Variants in PRKCZ observed in about 807,000 individuals in gnomAD.
The protein encoded by PRKCZ is protein kinase C zeta type.
In PRKCZ, 33 loss-of-function variants were observed where a neutral mutation model predicts 79.5. The observed-to-expected ratio is 0.41, with a 90% CI of 0.31 to 0.55. PRKCZ has a LOEUF of 0.55. PRKCZ is among the 20% of genes least tolerant of loss of function. PRKCZ has a pLI of 0.19. For missense variants in PRKCZ, 578 were observed against 813.5 expected, an observed-to-expected ratio of 0.71 and a Z score of 3.52; for synonymous variants, 342 against 320.9, an observed-to-expected ratio of 1.07 and a Z score of -0.70.
At chr1:2,074,089 G>A (rs1486305997) in intron 4 of PRKCZ, 3 of 1,494,264 alleles carry the variant, frequency 2.0e-6, no homozygotes, top group Non-Finnish European at 2.7e-6. Context: ...GCTCCGGGCA[G>A]CAACACGGCT....
intron 17 of PRKCZ, 76 bp from the exon 18 acceptor site, chr1:2,184,846 T>A: frequency 7.0e-7 from 1 of 1,437,976 alleles, no homozygotes; most frequent in Non-Finnish European, 9.6e-7. Flanking sequence ...AGGATTCTTA[T>A]GCGAACGTGA....
Position 2,117,367 on chromosome 1 carries a change from GTTTT to G in PRKCZ, c.335-17885_335-17882del, listed in dbSNP as rs56248139. On this transcript the variant is annotated intron_variant, in intron 4 of 17. Coordinates refer to ENST00000378567, the MANE Select transcript of PRKCZ (RefSeq NM_002744.6). ...TGTTTTAAGCCGTATTACTTTTACA[GTTTT>G]TTTTTTTTTATCTTTTTGTTTATAG... Among the ~76,000 whole-genome samples, 21 of 147,454 alleles carry G rather than the reference GTTTT, an allele frequency of 1.4e-4. No individual in the cohort carries two copies. The South Asian group carries it at 4.5e-3, about 32-fold the overall frequency.
In PRKCZ at chr1:2,050,639, C is replaced by T. The variant is rs891605017; in HGVS notation, c.9C>T (p.Ser3=). The change falls in exon 1 of 18, where the codon AGC becomes AGT. Residue 3 remains serine (S), a synonymous_variant. Coordinates refer to ENST00000378567, the MANE Select transcript of PRKCZ (RefSeq NM_002744.6). ...GGCGGGGGGAGCGCGCCATGCCCAG[C>T]AGGACCGGCCCCAAGATGGAAGGGA... MP[S]RTGPKMEGSG... The T allele has an allele frequency of 1.6e-6, 2 of 1,225,996 alleles. No homozygotes were observed. Among genetic ancestry groups the T allele is most frequent in the African/African-American group, 3.1e-5 (2 of 64,180 alleles). The allele number at this position is 1,225,996 out of a possible 1,614,324, so 75.9% of individuals were successfully genotyped here. A position where few individuals can be genotyped will look rare whatever the true frequency, so the allele number is the denominator to read the frequency against.
At chr1:2,152,964 T>A (rs1680196096) in intron 9 of PRKCZ, among the ~76,000 whole-genome samples, 1 of 152,254 alleles carries the variant, frequency 6.6e-6, no homozygotes, top group East Asian at 1.9e-4. Context: ...TACAAGAATC[T>A]GTTTGAGTCT....
intron 4 of PRKCZ, among the ~76,000 whole-genome samples, chr1:2,108,511 G>C (rs1669045707): frequency 6.6e-6 from 1 of 152,240 alleles, no homozygotes; most frequent in African/African-American, 2.4e-5. Context: ...GGTCTGTCCT[G>C]GGCTGGCTGC....
At chr1:2,080,234 C>T (rs1267313104) in intron 4 of PRKCZ, among the ~76,000 whole-genome samples, 1 of 149,216 alleles carries the variant, frequency 6.7e-6, no homozygotes, top group East Asian at 1.9e-4. Context: ...GTTTGAGCTG[C>T]TGTGTCCACC....
chr1:2,183,486 A>C (rs1240450424), intron 16 of PRKCZ: 1 of 152,204 alleles, frequency 6.6e-6, no homozygotes, highest in East Asian at 1.9e-4. Context: ...TGGGTTAGAG[A>C]GGGAGTGAGA....
Position 2,165,991 on chromosome 1 carries a change from C to T in PRKCZ, c.975-3527C>T, listed in dbSNP as rs920789771. On this transcript the variant is annotated intron_variant, in intron 10 of 17. Transcript: ENST00000378567. This position sits in a 1 kb window ranked among gnomAD's most constrained non-coding sequence, Gnocchi z 4.1. The stretch of plus-strand genomic sequence containing the variant: ...ATTTCCCATGTCTGTTGGATGGTGC[C>T]GGTTCCAGGGCAGGGTCAGGGACTG... Among the ~76,000 whole-genome samples, 2 of 152,314 alleles carry T rather than the reference C, an allele frequency of 1.3e-5. No homozygotes were observed. The highest frequency in any genetic ancestry group is 1.9e-4 in the East Asian group (1 of 5,184).
In PRKCZ at chr1:2,097,345, C is replaced by T. The variant is rs528653839; in HGVS notation, c.334+37754C>T. ...GGCCCAGGTACCTTTCTGGGCCCCT[C>T]TCAGGGTCTTTGGAAAAGTCCAGAA... On this transcript the variant is annotated intron_variant, in intron 4 of 17. Coordinates refer to ENST00000378567, the MANE Select transcript of PRKCZ (RefSeq NM_002744.6). Among the ~76,000 whole-genome samples, 558 of 152,274 alleles carry T rather than the reference C, an allele frequency of 3.7e-3. 4 individuals carry two copies. Among genetic ancestry groups the T allele is most frequent in the African/African-American group, 0.013 (535 of 41,544 alleles).
chr1:2,184,830 TG>T lies in PRKCZ; in HGVS notation c.1692-87del. 2.9e-6 allele frequency: 4 copies of T among 1,392,684 alleles called. No individual in the cohort carries two copies. In the Admixed American group the frequency reaches 5.8e-5, roughly 20 times the overall value. The allele number at this position is 1,392,684 out of a possible 1,614,324, so 86.3% of individuals were successfully genotyped here. ...CTGGTGTCATCTCTCCAGTGGGCGT[TG>T]GGGGAGGATTCTTATGCGAACGTGA... On this transcript the variant is annotated intron_variant, in intron 17 of 17. Coordinates refer to ENST00000378567, the MANE Select transcript of PRKCZ (RefSeq NM_002744.6).
At chr1:2,108,294 ACCT>A (rs1339964210) in intron 4 of PRKCZ, among the ~76,000 whole-genome samples, 1 of 152,040 alleles carries the variant, frequency 6.6e-6, no homozygotes, top group African/African-American at 2.4e-5. Flanking sequence ...TGTCCTGCTC[ACCT>A]CCTCCAGGAA....
At chr1:2,135,801 C>T (rs767199169) in intron 5 of PRKCZ, among the ~76,000 whole-genome samples, 13 of 152,252 alleles carry the variant, frequency 8.5e-5, no homozygotes, top group African/African-American at 2.2e-4. Flanking sequence ...GTCTTCCCAG[C>T]GGCCACCCAC....
At chr1:2,175,935 C>T (rs1036624357) in intron 16 of PRKCZ, among the ~76,000 whole-genome samples, 24 of 152,152 alleles carry the variant, frequency 1.6e-4, no homozygotes, top group African/African-American at 5.3e-4. Context: ...TAGTGGGGGC[C>T]GGCCTAGAGA....
rs137856830 is a variant in PRKCZ, at chr1:2,094,114, A to G, written c.334+34523A>G. 9.0e-3 allele frequency among the ~76,000 whole-genome samples: 1,363 copies of G among 152,240 alleles called. 33 individuals are homozygous for G. The highest frequency in any genetic ancestry group is 0.031 in the African/African-American group (1,285 of 41,522). Reference sequence around the variant, plus strand: ...ATCCCTTGGGAGCCTGCTTGTCTCTAGAACCTTCTGCCTGATGCACAACCT... The same window carrying G: ...ATCCCTTGGGAGCCTGCTTGTCTCTGGAACCTTCTGCCTGATGCACAACCT... On this transcript the variant is annotated intron_variant, in intron 4 of 17. Transcript: ENST00000378567. This position sits in a 1 kb window ranked among gnomAD's most constrained non-coding sequence, Gnocchi z 7.3.
At chr1:2,072,739 A>G (rs759653129) in intron 4 of PRKCZ, among the ~76,000 whole-genome samples, 10 of 152,024 alleles carry the variant, frequency 6.6e-5, no homozygotes, top group Non-Finnish European at 5.9e-5. Context: ...CCGTCCCTCC[A>G]GGGTCAGCAG....
intron 10 of PRKCZ, among the ~76,000 whole-genome samples, chr1:2,159,692 T>C (rs2103338242): frequency 6.6e-6 from 1 of 152,350 alleles, no homozygotes; most frequent in South Asian, 2.1e-4. Flanking sequence ...AACATTAGTC[T>C]CACCTCGTGT....
intron 5 of PRKCZ, among the ~76,000 whole-genome samples, chr1:2,138,517 G>A (rs966580650): frequency 6.6e-6 from 1 of 152,160 alleles, no homozygotes; most frequent in South Asian, 2.1e-4. Flanking sequence ...AGGAGGGAAG[G>A]GATCCTCCAG....
At chr1:2,126,653 G>T (rs944649920) in intron 4 of PRKCZ, among the ~76,000 whole-genome samples, 2 of 152,238 alleles carry the variant, frequency 1.3e-5, no homozygotes, top group African/African-American at 2.4e-5. Context: ...CATGAGGGCA[G>T]CTGGATGCAG....
chr1:2,104,289 G>C (rs1401629070), intron 4 of PRKCZ, among the ~76,000 whole-genome samples: 1 of 152,154 alleles, frequency 6.6e-6, no homozygotes, highest in African/African-American at 2.4e-5. Flanking sequence ...CAAAAAGGGG[G>C]TCCAACTCTT....
Sources: gnomAD v4.1 joint callset for allele counts (sites outside exome capture counted in the v4.1 genomes callset) on GRCh38, gnomAD v4.1.1 for gene constraint, Gnocchi (gnomAD v3.1) non-coding constraint, MANE v1.5 for transcripts, NCBI Gene and HGNC (gene_info 2026-07-23, HGNC 2026-07-21) for gene names.